MCPH1: variants seen among roughly 807,000 people sequenced by gnomAD.
The protein encoded by MCPH1 is microcephalin 1, also known as microcephalin.
In MCPH1, 104 loss-of-function variants were observed where a neutral mutation model predicts 84.5. The ratio of observed to expected loss-of-function variants is 1.23; its 90% CI spans 1.05 to 1.45. The LOEUF (loss-of-function observed/expected upper bound fraction) is 1.45. Among genes scored for constraint, MCPH1 ranks in the 40% most tolerant of loss-of-function variants. MCPH1 has a pLI of 0.00. For missense variants in MCPH1, 1,498 were observed against 1,005.7 expected (o/e 1.49, Z -6.62); for synonymous variants, 514 against 366.8 (o/e 1.40, Z -4.58).
chr8:6,642,825 C>G (rs1390873966), intron 13 of MCPH1, 169 bp from the exon 14 acceptor site: 2 of 689,118 alleles, frequency 2.9e-6, no homozygotes, highest in Non-Finnish European at 5.2e-6. Context: ...TTTCGTTTCA[C>G]GTTAATTTAA....
At chr8:6,513,771 T>C (rs767094824) in intron 12 of MCPH1, 3 of 1,614,100 alleles carry the variant, frequency 1.9e-6, no homozygotes, top group South Asian at 1.1e-5. Flanking sequence ...TTTAAGCACA[T>C]AGCGTTGCTG....
At chr8:6,598,176 A>G (rs1415446129) in intron 12 of MCPH1, among the ~76,000 whole-genome samples, 1 of 152,208 alleles carries the variant, frequency 6.6e-6, no homozygotes, top group Non-Finnish European at 1.5e-5. Flanking sequence ...AAGGCGGTCA[A>G]TCAGAGTGAG....
At chr8:6,615,767 C>T (rs2959800) in intron 12 of MCPH1, 27,486 of 151,858 alleles carry the variant, frequency 0.18, 3,245 homozygotes, top group East Asian at 0.63. Flanking sequence ...AGGAATGATA[C>T]GGCATATTTG....
chr8:6,466,904 C>T (rs910112797), intron 9 of MCPH1, among the ~76,000 whole-genome samples: 7 of 152,298 alleles, frequency 4.6e-5, no homozygotes, highest in African/African-American at 1.7e-4. Context: ...TTTGCCTTTC[C>T]TTACGTCTTT....
chr8:6,467,147 TC>T (rs1229923321), intron 9 of MCPH1, among the ~76,000 whole-genome samples: 1 of 152,212 alleles, frequency 6.6e-6, no homozygotes, highest in African/African-American at 2.4e-5. Flanking sequence ...TTTTGGCATA[TC>T]CTTTTGTGAC....
intron 12 of MCPH1, among the ~76,000 whole-genome samples, chr8:6,549,363 G>T (rs1275539782): frequency 6.6e-6 from 1 of 152,256 alleles, no homozygotes; most frequent in African/African-American, 2.4e-5. Flanking sequence ...TGTACTGATT[G>T]TTCCAATTAC....
At chr8:6,449,756 T>C (rs995239403) in intron 8 of MCPH1, among the ~76,000 whole-genome samples, 1 of 148,378 alleles carries the variant, frequency 6.7e-6, no homozygotes, top group Non-Finnish European at 1.5e-5. Flanking sequence ...AATGGAGATC[T>C]TCTTGTTTTA....
chr8:6,474,130 A>G (rs1808128145), intron 9 of MCPH1: 1 of 762,542 alleles, frequency 1.3e-6, no homozygotes, highest in African/African-American at 1.7e-5. Context: ...AACCGTGGTA[A>G]TCAACAATAA....
chr8:6,623,059 C>T (rs1831640068), intron 13 of MCPH1, among the ~76,000 whole-genome samples: 1 of 131,614 alleles, frequency 7.6e-6, no homozygotes, highest in African/African-American at 2.9e-5. Context: ...CCCTATGTTG[C>T]CCAGGATAGT....
At position 6,503,495 on chromosome 8, in the gene MCPH1, C is replaced by T. The variant is rs10106962; in HGVS notation, c.2214+3566C>T. Among the ~76,000 whole-genome samples, 1,070 of 152,288 alleles carry T rather than the reference C, an allele frequency of 7.0e-3. 15 individuals are homozygous for T. Among genetic ancestry groups the T allele is most frequent in the African/African-American group, 0.024 (1,009 of 41,548 alleles). ...TTTACAAGCCTTCTTCCACCTTTTCCCTTGTGCTGTGTGGAGAGGCCTGAA... is the reference window on the plus strand; with the variant it reads ...TTTACAAGCCTTCTTCCACCTTTTCTCTTGTGCTGTGTGGAGAGGCCTGAA... On this transcript the variant is annotated intron_variant, in intron 12 of 13. Transcript: ENST00000344683.
At chr8:6,642,493 A>T (rs901640254) in intron 13 of MCPH1, among the ~76,000 whole-genome samples, 3 of 152,244 alleles carry the variant, frequency 2.0e-5, no homozygotes. Flanking sequence ...GAGTTTTAGA[A>T]AGTATGCTTA....
chr8:6,545,545 G>A (rs1822432883), intron 12 of MCPH1, among the ~76,000 whole-genome samples: 1 of 152,142 alleles, frequency 6.6e-6, no homozygotes, highest in Non-Finnish European at 1.5e-5. Context: ...AGAGAACTGT[G>A]GATTAAACCA....
At chr8:6,548,958 T>G (rs1586559525) in intron 12 of MCPH1, among the ~76,000 whole-genome samples, 1 of 152,256 alleles carries the variant, frequency 6.6e-6, no homozygotes, top group Non-Finnish European at 1.5e-5. Context: ...GGGGGAATTA[T>G]GTTTAACCAG....
chr8:6,448,941 A>T (rs1804740233), intron 8 of MCPH1, among the ~76,000 whole-genome samples: 1 of 152,114 alleles, frequency 6.6e-6, no homozygotes, highest in African/African-American at 2.4e-5. Flanking sequence ...TGACACTGGA[A>T]TACATTTTTT....
chr8:6,492,056 A>G (rs1361939496), intron 11 of MCPH1, among the ~76,000 whole-genome samples: 1 of 152,192 alleles, frequency 6.6e-6, no homozygotes, highest in Non-Finnish European at 1.5e-5. Context: ...CGCCACACTG[A>G]CTTCCACAAT....
At chr8:6,436,440 T>C (rs1485934997) in intron 5 of MCPH1, among the ~76,000 whole-genome samples, 3 of 152,222 alleles carry the variant, frequency 2.0e-5, no homozygotes, top group African/African-American at 7.2e-5. Context: ...AAGCAAACTT[T>C]GGCTAATAAG....
At chr8:6,625,901 C>T in intron 13 of MCPH1, 1 of 985,232 alleles carries the variant, frequency 1.0e-6, no homozygotes, top group Non-Finnish European at 1.2e-6. Context: ...AGTTTTTTAG[C>T]CACTAGGAAC....
At position 6,449,735 on chromosome 8, in the gene MCPH1, G is replaced by T. The variant is rs543413284; in HGVS notation, c.1825+4188G>T. On this transcript the variant is annotated intron_variant, in intron 8 of 13. Transcript: ENST00000344683. ...GGCTCAGGAAGTATGTCCACAGCCA[G>T]TTTGCATGGGAATGGAGATCTTCTT... 1.1e-3 allele frequency among the ~76,000 whole-genome samples: 166 copies of T among 152,248 alleles called. 1 individual carries two copies. Among genetic ancestry groups the T allele is most frequent in the African/African-American group, 3.8e-3 (157 of 41,538 alleles).
At chr8:6,437,010 C>T (rs527855474) in intron 5 of MCPH1, among the ~76,000 whole-genome samples, 236 of 152,076 alleles carry the variant, frequency 1.6e-3, no homozygotes, top group African/African-American at 5.2e-3. Flanking sequence ...ATGCTTTGTA[C>T]GTTTTTGGTA....
Sources: gnomAD v4.1 joint callset for allele counts (sites outside exome capture counted in the v4.1 genomes callset) on GRCh38, gnomAD v4.1.1 for gene constraint, MANE v1.5 for transcripts, NCBI Gene and HGNC (gene_info 2026-07-23, HGNC 2026-07-21) for gene names.